Variants in ZFYVE28 observed in about 807,000 individuals in gnomAD.
ZFYVE28 encodes the protein zinc finger FYVE-type containing 28.
A neutral mutation model predicts 82.1 loss-of-function variants in ZFYVE28; 40 were observed. The ratio of observed to expected loss-of-function variants is 0.49; its 90% CI spans 0.38 to 0.63. The LOEUF (loss-of-function observed/expected upper bound fraction) is 0.63, where lower values mean the gene tolerates loss of function less well. ZFYVE28 is among the 30% of genes least tolerant of loss of function. The pLI, the probability that ZFYVE28 is intolerant of heterozygous loss-of-function variation, is 0.00. For missense variants in ZFYVE28, 1,321 were observed against 1,242.1 expected (o/e 1.06, Z -0.96); for synonymous variants, 612 against 546.1 (o/e 1.12, Z -1.68).
intron 2 of ZFYVE28, among the ~76,000 whole-genome samples, chr4:2,346,469 A>G (rs2108871975): frequency 6.6e-6 from 1 of 152,252 alleles, no homozygotes; most frequent in East Asian, 1.9e-4. Flanking sequence ...TGGTAAATAT[A>G]CAAGATCCTT....
chr4:2,405,774 G>A (rs534884995), intron 1 of ZFYVE28, among the ~76,000 whole-genome samples: 29 of 152,348 alleles, frequency 1.9e-4, no homozygotes, highest in Non-Finnish European at 3.1e-4. Context: ...CTGGCTGGGC[G>A]CAGTGGCTCA....
At chr4:2,315,066 G>T (rs746221770) in intron 7 of ZFYVE28, among the ~76,000 whole-genome samples, 2 of 152,006 alleles carry the variant, frequency 1.3e-5, no homozygotes, top group African/African-American at 2.4e-5. Context: ...AGGAGCCACC[G>T]CACCTGGCCT....
chr4:2,274,607 T>G (rs1736229787), intron 8 of ZFYVE28, among the ~76,000 whole-genome samples: 1 of 151,928 alleles, frequency 6.6e-6, no homozygotes, highest in Non-Finnish European at 1.5e-5. Flanking sequence ...CCCCCAAAAA[T>G]ATCTCTCCCC....
chr4:2,319,403 G>A (rs146841920), intron 7 of ZFYVE28, among the ~76,000 whole-genome samples: 21 of 152,278 alleles, frequency 1.4e-4, no homozygotes, highest in Middle Eastern at 3.4e-3. Context: ...CAAGGGTGAC[G>A]AGGACCCCAT....
chr4:2,360,542 A>G (rs1403200165), intron 1 of ZFYVE28, among the ~76,000 whole-genome samples: 2 of 152,036 alleles, frequency 1.3e-5, no homozygotes, highest in South Asian at 2.1e-4. Context: ...AGTTTCCCAC[A>G]TGGTCCCAGC....
At chr4:2,404,726 G>A (rs1361429628) in intron 1 of ZFYVE28, among the ~76,000 whole-genome samples, 2 of 152,200 alleles carry the variant, frequency 1.3e-5, no homozygotes, top group Non-Finnish European at 2.9e-5. Flanking sequence ...GTTTATATGG[G>A]ATGATGGAAA....
chr4:2,319,418 C>T (rs1427773133), intron 7 of ZFYVE28, among the ~76,000 whole-genome samples: 2 of 152,204 alleles, frequency 1.3e-5, no homozygotes, highest in African/African-American at 4.8e-5. Flanking sequence ...CCCCATAGCC[C>T]ACGGGGTCAC....
intron 1 of ZFYVE28, among the ~76,000 whole-genome samples, chr4:2,377,923 G>A (rs1287661335): frequency 6.6e-6 from 1 of 152,230 alleles, no homozygotes; most frequent in South Asian, 2.1e-4. Flanking sequence ...ACATGGTAGA[G>A]CCTGTTGCTC....
chr4:2,406,734 C>T (rs1464964537), intron 1 of ZFYVE28: 1 of 152,288 alleles, frequency 6.6e-6, no homozygotes, highest in Non-Finnish European at 1.5e-5. Flanking sequence ...GCTCCACTCC[C>T]TGTGATGCCT....
chr4:2,299,190 G>A (rs1715105597), intron 8 of ZFYVE28, among the ~76,000 whole-genome samples: 1 of 152,166 alleles, frequency 6.6e-6, no homozygotes, highest in Non-Finnish European at 1.5e-5. Context: ...CTGAAAAACA[G>A]CAGAAAACAC....
At chr4:2,400,501 T>C (rs3128780) in intron 1 of ZFYVE28, among the ~76,000 whole-genome samples, 129,072 of 151,934 alleles carry the variant, frequency 0.85, 54,975 homozygotes, top group Admixed American at 0.9. Flanking sequence ...CCCCCAGACA[T>C]CCCGGTTTGC....
chr4:2,356,878 T>G (rs986626306), intron 1 of ZFYVE28, among the ~76,000 whole-genome samples: 26 of 152,140 alleles, frequency 1.7e-4, no homozygotes, highest in African/African-American at 6.0e-4. Context: ...TTGCTTCAGA[T>G]GCAAAGGTCA....
chr4:2,339,615 T>A lies in ZFYVE28; in HGVS notation c.359A>T (p.Glu120Val). Reference sequence around the variant, plus strand: ...GGCCAGCGGGCGCATGGCCATGCTCTCCAGCTCCCGGTTCATGATGATGGA... The same window carrying A: ...GGCCAGCGGGCGCATGGCCATGCTCACCAGCTCCCGGTTCATGATGATGGA... The part of the protein sequence containing the change: ...AGSIIMNREL[E>V]SMAMRPLAKE... The change falls in exon 4 of 13, where the codon GAG becomes GTG. Residue 120 changes from glutamate (E) to valine (V), a missense_variant. Around this residue, in one of 2 missense-constraint regions of ZFYVE28, gnomAD observed 343 missense variants for 408.4 expected, o/e 0.84. Coordinates refer to ENST00000290974, the MANE Select transcript of ZFYVE28 (RefSeq NM_020972.3). The surrounding 1 kb of genome is among the most constrained non-coding windows in gnomAD (Gnocchi z 5.0). 2 of 1,610,506 alleles carry A rather than the reference T, an allele frequency of 1.2e-6. No individual in the cohort carries two copies. Among genetic ancestry groups the A allele is most frequent in the East Asian group, 2.2e-5 (1 of 44,764 alleles).
At chr4:2,385,655 C>T (rs1170874020) in intron 1 of ZFYVE28, among the ~76,000 whole-genome samples, 1 of 152,220 alleles carries the variant, frequency 6.6e-6, no homozygotes, top group Non-Finnish European at 1.5e-5. Context: ...TGACCTCTGA[C>T]CTCCTACATG....
intron 8 of ZFYVE28, among the ~76,000 whole-genome samples, chr4:2,284,745 C>A (rs150284154): frequency 6.6e-6 from 1 of 152,252 alleles, no homozygotes; most frequent in African/African-American, 2.4e-5. Context: ...TCTGTGAGTC[C>A]TGGGATCAGG....
chr4:2,379,345 GC>G (rs1728487657), intron 1 of ZFYVE28, among the ~76,000 whole-genome samples: 1 of 152,170 alleles, frequency 6.6e-6, no homozygotes, highest in Non-Finnish European at 1.5e-5. Flanking sequence ...AGGATTCTCG[GC>G]CCTCCCAGGC....
chr4:2,344,046 G>A (rs1723175647), intron 2 of ZFYVE28, among the ~76,000 whole-genome samples: 1 of 152,304 alleles, frequency 6.6e-6, no homozygotes, highest in Non-Finnish European at 1.5e-5. Flanking sequence ...AAAGGACAGT[G>A]ATCCCCAAGA....
At position 2,339,665 on chromosome 4, in the gene ZFYVE28, G is replaced by A; in HGVS notation, c.319-10C>T. 6.3e-7 allele frequency: 1 copy of A among 1,586,648 alleles called. No homozygotes were observed. The highest frequency in any genetic ancestry group is 8.6e-7 in the Non-Finnish European group (1 of 1,167,952). ...AGCCGGCGGCCAGGCACTGCGGGAG[G>A]GGACACACTCAGGGAGGGGCCCGGG... On this transcript the variant is annotated splice_polypyrimidine_tract_variant and intron_variant, in intron 3 of 12. Transcript: ENST00000290974. The surrounding 1 kb of genome is among the most constrained non-coding windows in gnomAD (Gnocchi z 5.0).
chr4:2,306,565 G>A (rs910096043), intron 7 of ZFYVE28, among the ~76,000 whole-genome samples: 1 of 152,160 alleles, frequency 6.6e-6, no homozygotes, highest in Admixed American at 6.5e-5. Context: ...TTATATTTGT[G>A]TAGAATCTCC....
Sources: gnomAD v4.1 joint callset for allele counts (sites outside exome capture counted in the v4.1 genomes callset) on GRCh38, gnomAD v4.1.1 for gene constraint, gnomAD v4.1.1 regional missense constraint, Gnocchi (gnomAD v3.1) non-coding constraint, MANE v1.5 for transcripts, NCBI Gene and HGNC (gene_info 2026-07-23, HGNC 2026-07-21) for gene names.